TP63: variants seen among roughly 807,000 people sequenced by gnomAD.
TP63 encodes the protein tumor protein 63.
In TP63, 17 loss-of-function variants were observed where a neutral mutation model predicts 82.8. The ratio of observed to expected loss-of-function variants is 0.21; its 90% confidence interval spans 0.14 to 0.31. The LOEUF (loss-of-function observed/expected upper bound fraction) is 0.31. Among genes scored for constraint, TP63 ranks in the 10% least tolerant of loss-of-function variants. The probability of loss-of-function intolerance (pLI) is 1.00; values close to 1 mark genes in which losing one functional copy is unlikely to be tolerated. For synonymous variants in TP63, 330 were observed against 321.7 expected, an observed-to-expected ratio of 1.03 and a Z score of -0.28; for missense variants, 648 against 895.3, an observed-to-expected ratio of 0.72 and a Z score of 3.52.
At chr3:189,622,005 T>G in the TP63 span, among the ~76,000 whole-genome samples, 2 of 152,208 alleles carry the variant, frequency 1.3e-5, no homozygotes, top group East Asian at 3.8e-4. Flanking sequence ...CAAGACCTAC[T>G]CAGGGGTCAC....
intron 3 of TP63, among the ~76,000 whole-genome samples, chr3:189,793,562 A>T (rs1482322819): frequency 6.6e-6 from 1 of 152,076 alleles, no homozygotes; most frequent in Non-Finnish European, 1.5e-5. Flanking sequence ...ATATGTTACC[A>T]CAAATACACC....
At chr3:189,808,593 G>A in intron 4 of TP63, 67 bp downstream of exon 4, 1 of 1,606,040 alleles carries the variant, frequency 6.2e-7, no homozygotes, top group South Asian at 1.1e-5. Flanking sequence ...CACGTCCCAG[G>A]GATTTCTCCC....
chr3:189,851,845 G>A (rs1315350203), intron 4 of TP63, among the ~76,000 whole-genome samples: 2 of 152,028 alleles, frequency 1.3e-5, no homozygotes, highest in African/African-American at 4.8e-5. Flanking sequence ...GGTGTTCTCT[G>A]GTTTGCAAAT....
intron 1 of TP63, among the ~76,000 whole-genome samples, chr3:189,693,452 G>C (rs910783425): frequency 1.3e-5 from 2 of 151,994 alleles, no homozygotes; most frequent in African/African-American, 2.4e-5. Flanking sequence ...AATTAAGCTG[G>C]GTAAAATACC....
intron 1 of TP63, among the ~76,000 whole-genome samples, chr3:189,648,346 C>A (rs1250316082): frequency 6.8e-6 from 1 of 146,634 alleles, no homozygotes; most frequent in African/African-American, 2.6e-5. Flanking sequence ...CTTATTGTTT[C>A]TTATCTGTCT....
intron 4 of TP63, among the ~76,000 whole-genome samples, chr3:189,835,283 G>A (rs966667942): frequency 1.3e-5 from 2 of 152,146 alleles, no homozygotes; most frequent in Non-Finnish European, 2.9e-5. Flanking sequence ...ATGATAAAAG[G>A]CTAAATGGGG....
chr3:189,869,210 T>A lies in TP63; in HGVS notation c.1130-114T>A, dbSNP rs1021202530. On this transcript the variant is annotated intron_variant, in intron 8 of 13. Transcript: ENST00000264731. The stretch of plus-strand genomic sequence containing the variant: ...ATGTGTTGCTGGTACTACTGTCTTT[T>A]TAATATGTATATTAAATCTGATTAA... The A allele has an allele frequency of 8.1e-6, 7 of 866,286 alleles. No individual in the cohort carries two copies. The African/African-American group carries it at 1.2e-4, about 15-fold the overall frequency. The allele number at this position is 866,286 out of a possible 1,614,324, so 53.7% of individuals were successfully genotyped here.
At chr3:189,685,664 G>C (rs928944473) in intron 1 of TP63, among the ~76,000 whole-genome samples, 7 of 152,264 alleles carry the variant, frequency 4.6e-5, no homozygotes, top group African/African-American at 1.7e-4. Flanking sequence ...ATAGGAAAAA[G>C]AAAAGAAAGC....
intron 4 of TP63, chr3:189,829,780 C>A: frequency 5.4e-6 from 1 of 185,952 alleles, no homozygotes; most frequent in South Asian, 7.7e-5. Flanking sequence ...CACCAACTAA[C>A]AAATTCAGTT....
At chr3:189,862,834 A>G (rs1717203623) in intron 4 of TP63, among the ~76,000 whole-genome samples, 1 of 152,140 alleles carries the variant, frequency 6.6e-6, no homozygotes, top group African/African-American at 2.4e-5. Context: ...CATGTTTCCT[A>G]TTTCTTCAAG....
chr3:189,879,485 C>G (rs1416628280), intron 10 of TP63, among the ~76,000 whole-genome samples: 1 of 152,176 alleles, frequency 6.6e-6, no homozygotes, highest in Admixed American at 6.5e-5. Context: ...ACTCATTAAA[C>G]AGTTCTTTGT....
intron 4 of TP63, among the ~76,000 whole-genome samples, chr3:189,837,217 TTCTCTCTC>T (rs749445372): frequency 2.8e-4 from 42 of 151,218 alleles, no homozygotes; most frequent in African/African-American, 1.0e-3. Context: ...CATTTTTTTT[TTCTCTCTC>T]TCTCTCTCCT....
the TP63 span, among the ~76,000 whole-genome samples, chr3:189,600,186 TAA>T: frequency 1.8e-4 from 27 of 152,180 alleles, no homozygotes; most frequent in African/African-American, 6.5e-4. Context: ...TTGAATTTAA[TAA>T]ATGCAAATAA....
chr3:189,825,681 A>T (rs757292499), intron 4 of TP63, among the ~76,000 whole-genome samples: 12 of 152,228 alleles, frequency 7.9e-5, no homozygotes, highest in Non-Finnish European at 1.3e-4. Context: ...TTTATCATAT[A>T]TTTACACATA....
intron 1 of TP63, among the ~76,000 whole-genome samples, chr3:189,711,962 GGAA>G (rs1378045753): frequency 2.6e-5 from 4 of 152,156 alleles, no homozygotes; most frequent in Non-Finnish European, 5.9e-5. Context: ...GGAGAAAAGT[GGAA>G]GAAGTGTGGA....
intron 1 of TP63, among the ~76,000 whole-genome samples, chr3:189,682,471 C>T (rs1349696108): frequency 1.4e-5 from 2 of 140,622 alleles, no homozygotes; most frequent in African/African-American, 5.3e-5. Context: ...CGATATTTTG[C>T]AAAAGCCTCA....
chr3:189,879,999 C>T (rs1719727121), intron 10 of TP63: 3 of 1,580,308 alleles, frequency 1.9e-6, no homozygotes, highest in African/African-American at 1.4e-5. Context: ...TTTCTGAATT[C>T]AATTGATTTG....
intron 1 of TP63, among the ~76,000 whole-genome samples, chr3:189,720,736 G>GAAAAAAAA (rs548352369): frequency 1.7e-4 from 21 of 120,846 alleles, no homozygotes; most frequent in Middle Eastern, 4.3e-3. Context: ...CTCCGTCTCA[G>GAAAAAAAA]AAAAAAAAAA....
chr3:189,749,470 C>G (rs1721632602), intron 3 of TP63, among the ~76,000 whole-genome samples: 1 of 152,054 alleles, frequency 6.6e-6, no homozygotes, highest in South Asian at 2.1e-4. Context: ...CAGGTAAATG[C>G]AAATCAAAAC....
Sources: allele counts gnomAD v4.1 joint callset (sites outside exome capture counted in the v4.1 genomes callset), GRCh38; gene constraint gnomAD v4.1.1; transcripts MANE v1.5; gene names NCBI Gene and HGNC (gene_info 2026-07-23, HGNC 2026-07-21).